LEF1: variants seen among roughly 807,000 people sequenced by gnomAD.
LEF1 encodes the protein lymphoid enhancer-binding factor 1.
Under a neutral mutation model 51.2 loss-of-function variants are expected in LEF1, and 14 were observed. The observed-to-expected ratio is 0.27, with a 90% CI of 0.18 to 0.43. LEF1 has a LOEUF of 0.43. LEF1 is among the 20% of genes least tolerant of loss of function. The probability of loss-of-function intolerance (pLI) is 1.00; values close to 1 mark genes in which losing one functional copy is unlikely to be tolerated. For missense variants in LEF1, 386 were observed against 512.0 expected (o/e 0.75, Z 2.37); for synonymous variants, 185 against 183.2 (o/e 1.01, Z -0.08).
In LEF1 at chr4:108,115,846, T is replaced by TACACACACACACACACAC. The variant is rs55839332; in HGVS notation, c.415-26607_415-26590dup. ...AAAGGTCTGCCTATAATGTAACACATACACACACACACACACACACACACA... is the reference window on the plus strand; with the variant it reads ...AAAGGTCTGCCTATAATGTAACACATACACACACACACACACACACACACACACACACACACACACACA... On this transcript the variant is annotated intron_variant, in intron 3 of 11. Transcript: ENST00000265165. Among the ~76,000 whole-genome samples the TACACACACACACACACAC allele has an allele frequency of 4.1e-3, 573 of 139,358 alleles. 16 individuals are homozygous for TACACACACACACACACAC. Among genetic ancestry groups the TACACACACACACACACAC allele is most frequent in the African/African-American group, 0.015 (535 of 36,756 alleles). 91.4% of individuals were successfully genotyped at this position (139,358 alleles called of 152,430 possible). A position where few individuals can be genotyped will look rare whatever the true frequency, so the allele number is the denominator to read the frequency against.
At chr4:108,107,808 G>A (rs1741270278) in intron 3 of LEF1, among the ~76,000 whole-genome samples, 1 of 151,314 alleles carries the variant, frequency 6.6e-6, no homozygotes, top group South Asian at 2.1e-4. Flanking sequence ...GCTTCTCACT[G>A]CCATTTTCCC....
chr4:108,115,886 C>CACACACAG (rs1741808108), intron 3 of LEF1, among the ~76,000 whole-genome samples: 1 of 151,178 alleles, frequency 6.6e-6, no homozygotes, highest in Non-Finnish European at 1.5e-5. Flanking sequence ...CACACACACA[C>CACACACAG]GGCTGTAAGG....
At chr4:108,099,594 A>ATGTG (rs1256316074) in intron 3 of LEF1, among the ~76,000 whole-genome samples, 3 of 127,570 alleles carry the variant, frequency 2.4e-5, no homozygotes, top group South Asian at 5.3e-4. Flanking sequence ...ATATATATAT[A>ATGTG]TATATATATA....
At chr4:108,131,586 C>A (rs935180308) in intron 3 of LEF1, among the ~76,000 whole-genome samples, 3 of 152,086 alleles carry the variant, frequency 2.0e-5, no homozygotes, top group Non-Finnish European at 2.9e-5. Context: ...CCTACATAGT[C>A]TGAAAAACAA....
Position 108,097,574 on chromosome 4 carries a change from A to G in LEF1, c.415-8317T>C, listed in dbSNP as rs139742102. 3.9e-3 allele frequency among the ~76,000 whole-genome samples: 601 copies of G among 152,304 alleles called. 4 individuals carry two copies. The highest frequency in any genetic ancestry group is 0.014 in the African/African-American group (572 of 41,562). Reference sequence around the variant, plus strand: ...TCGTAAGTTTTAAAATAACTAAAAGAGTGGAATTGGAATGTTCCTAACACA... The same window carrying G: ...TCGTAAGTTTTAAAATAACTAAAAGGGTGGAATTGGAATGTTCCTAACACA... On this transcript the variant is annotated intron_variant, in intron 3 of 11. Transcript: ENST00000265165.
At chr4:108,099,612 AT>A (rs1560789404) in intron 3 of LEF1, among the ~76,000 whole-genome samples, 19 of 123,554 alleles carry the variant, frequency 1.5e-4, no homozygotes, top group East Asian at 1.4e-3. Context: ...ATATATATAT[AT>A]ATATAAATAA....
At chr4:108,114,758 G>GTCAGGGGCTA (rs1247425555) in intron 3 of LEF1, among the ~76,000 whole-genome samples, 2 of 152,228 alleles carry the variant, frequency 1.3e-5, no homozygotes, top group East Asian at 3.8e-4. Flanking sequence ...TAGGACTTCC[G>GTCAGGGGCTA]TCAGGGGCTA....
At chr4:108,072,423 G>A (rs17439845) in intron 8 of LEF1, among the ~76,000 whole-genome samples, 8,914 of 152,310 alleles carry the variant, frequency 0.059, 353 homozygotes, top group Middle Eastern at 0.092. Flanking sequence ...CCACCAGTGC[G>A]AGAAGCAGCA....
chr4:108,134,392 G>A (rs890113532), intron 3 of LEF1, among the ~76,000 whole-genome samples: 4 of 152,188 alleles, frequency 2.6e-5, no homozygotes, highest in African/African-American at 7.2e-5. Context: ...TTAACCTAGT[G>A]TAATCAAAGA....
At chr4:108,080,734 T>C (rs1739228091) in intron 6 of LEF1, among the ~76,000 whole-genome samples, 1 of 152,052 alleles carries the variant, frequency 6.6e-6, no homozygotes, top group Non-Finnish European at 1.5e-5. Flanking sequence ...TACAACTCAC[T>C]GAAAAAAAAA....
intron 3 of LEF1, among the ~76,000 whole-genome samples, chr4:108,096,035 T>C (rs1046393405): frequency 2.0e-5 from 3 of 152,142 alleles, no homozygotes; most frequent in African/African-American, 4.8e-5. Flanking sequence ...GAAAATACTT[T>C]GAAAATTAAG....
chr4:108,068,507 G>T (rs894423311), intron 9 of LEF1, among the ~76,000 whole-genome samples: 1 of 152,116 alleles, frequency 6.6e-6, no homozygotes, highest in African/African-American at 2.4e-5. Flanking sequence ...CCACCACTGG[G>T]TTGCTGTCAA....
chr4:108,141,214 A>G (rs987105098), intron 3 of LEF1, among the ~76,000 whole-genome samples: 5 of 152,240 alleles, frequency 3.3e-5, no homozygotes, highest in African/African-American at 1.2e-4. Flanking sequence ...TATCAAATTC[A>G]TATGTTAGTC....
chr4:108,152,269 A>G lies in LEF1; in HGVS notation c.414+11299T>C, dbSNP rs570170102. Among the ~76,000 whole-genome samples the G allele has an allele frequency of 2.0e-4, 31 of 152,354 alleles. 1 individual carries two copies. Among genetic ancestry groups the G allele is most frequent in the Middle Eastern group, 3.4e-3 (1 of 294 alleles). The stretch of plus-strand genomic sequence containing the variant: ...GAGCAAGCTATAAGAATCCAAAGAC[A>G]GGGTTTTGGAAAAGGGTTTAGGATG... On this transcript the variant is annotated intron_variant, in intron 3 of 11. Transcript: ENST00000265165.
In LEF1 at chr4:108,163,557, A is replaced by C; in HGVS notation, c.414+11T>G. 6.2e-7 allele frequency: 1 copy of C among 1,609,624 alleles called. No individual in the cohort carries two copies. Among genetic ancestry groups the C allele is most frequent in the South Asian group, 1.1e-5 (1 of 89,762 alleles). ...TCTGAACATAATTTGCAACATCAGC[A>C]TGTTACTTACTGTTCTCGGGATGGG... On this transcript the variant is annotated intron_variant, in intron 3 of 11. Coordinates refer to ENST00000265165, the MANE Select transcript of LEF1 (RefSeq NM_016269.5).
chr4:108,138,174 T>C (rs1216598157), intron 3 of LEF1, among the ~76,000 whole-genome samples: 3 of 152,214 alleles, frequency 2.0e-5, no homozygotes, highest in African/African-American at 7.2e-5. Flanking sequence ...GCTGGTCAAA[T>C]GTGGAATTTC....
intron 3 of LEF1, among the ~76,000 whole-genome samples, chr4:108,137,910 T>C (rs1743400370): frequency 6.6e-6 from 1 of 152,208 alleles, no homozygotes. Context: ...AAGAGATATA[T>C]AATTTCCTTT....
chr4:108,088,427 G>A (rs1397551408), intron 4 of LEF1, among the ~76,000 whole-genome samples: 2 of 152,202 alleles, frequency 1.3e-5, no homozygotes, highest in Non-Finnish European at 2.9e-5. Flanking sequence ...CATCCTTGAG[G>A]TTTGCGCCCT....
chr4:108,152,143 G>A (rs1057265591), intron 3 of LEF1, among the ~76,000 whole-genome samples: 3 of 152,186 alleles, frequency 2.0e-5, no homozygotes, highest in African/African-American at 7.2e-5. Context: ...ACTGACGGTG[G>A]GATCCGGAGG....
Sources: gnomAD v4.1 joint callset for allele counts (sites outside exome capture counted in the v4.1 genomes callset) on GRCh38, gnomAD v4.1.1 for gene constraint, MANE v1.5 for transcripts, NCBI Gene and HGNC (gene_info 2026-07-23, HGNC 2026-07-21) for gene names.